AKAP6: variants seen among roughly 807,000 people sequenced by gnomAD.
AKAP6 encodes the protein A-kinase anchor protein 6.
Under a neutral mutation model 188.5 loss-of-function variants are expected in AKAP6, and 58 were observed. The observed-to-expected ratio is 0.31, with a 90% CI of 0.25 to 0.38. The LOEUF is 0.38. Ranked by LOEUF, AKAP6 falls within the 10% of genes least tolerant of loss-of-function variation. The probability of loss-of-function intolerance (pLI) is 1.00; values close to 1 mark genes in which losing one functional copy is unlikely to be tolerated. For synonymous variants in AKAP6, 989 were observed against 998.6 expected (o/e 0.99, Z 0.18); for missense variants, 2,710 against 2,740.0 (o/e 0.99, Z 0.24).
intron 7 of AKAP6, among the ~76,000 whole-genome samples, chr14:32,614,860 G>C (rs1252523532): frequency 6.6e-6 from 1 of 151,886 alleles, no homozygotes; most frequent in Non-Finnish European, 1.5e-5. Context: ...CTTTGGGAAA[G>C]GTTTTCTTTC....
At position 32,822,780 on chromosome 14, in the gene AKAP6, A is replaced by C; in HGVS notation, c.4967A>C (p.Asp1656Ala). The C allele has an allele frequency of 6.2e-7, 1 of 1,613,930 alleles. No homozygotes were observed. The highest frequency in any genetic ancestry group is 8.5e-7 in the Non-Finnish European group (1 of 1,179,910). Residue 1656 changes from aspartate to alanine, a missense_variant, in exon 13 of 14, where the codon GAT (aspartate) becomes GCT (alanine). Coordinates refer to ENST00000280979, the MANE Select transcript of AKAP6 (RefSeq NM_004274.5). The stretch of plus-strand genomic sequence containing the variant: ...CAAAAGATAAAACGAAGTGTTTCTG[A>C]TATCACTCTTCAAAGCAGTTCCCAA... ...SEQKIKRSVS[D>A]ITLQSSSQKM...
chr14:32,627,537 A>G (rs1051131298), intron 7 of AKAP6, among the ~76,000 whole-genome samples: 3 of 152,106 alleles, frequency 2.0e-5, no homozygotes, highest in Non-Finnish European at 4.4e-5. Flanking sequence ...TAAAAAATAT[A>G]TATTATGGAA....
chr14:32,659,859 A>G (rs1275483924), intron 7 of AKAP6, among the ~76,000 whole-genome samples: 5 of 152,226 alleles, frequency 3.3e-5, no homozygotes, highest in Admixed American at 2.0e-4. Flanking sequence ...CATCAGTCTC[A>G]GAGGGCTAAG....
intron 1 of AKAP6, among the ~76,000 whole-genome samples, chr14:32,369,970 G>T (rs1887956354): frequency 6.6e-6 from 1 of 152,204 alleles, no homozygotes; most frequent in Non-Finnish European, 1.5e-5. Context: ...GGTGGAGGTT[G>T]CAGTGAGCTG....
intron 1 of AKAP6, among the ~76,000 whole-genome samples, chr14:32,352,134 T>TGTGTGTGTGTGA (rs1566458785): frequency 4.9e-5 from 7 of 142,576 alleles, no homozygotes; most frequent in African/African-American, 1.8e-4. Flanking sequence ...TGTGTGTGTG[T>TGTGTGTGTGTGA]GAAGGGGGTG....
chr14:32,418,994 T>C (rs1889751251), intron 1 of AKAP6, among the ~76,000 whole-genome samples: 1 of 152,214 alleles, frequency 6.6e-6, no homozygotes, highest in African/African-American at 2.4e-5. Flanking sequence ...TTTTTCAAAA[T>C]ACCAATTCAT....
At chr14:32,819,697 C>A (rs2034471361) in intron 12 of AKAP6, among the ~76,000 whole-genome samples, 1 of 152,078 alleles carries the variant, frequency 6.6e-6, no homozygotes, top group African/African-American at 2.4e-5. Context: ...CACCTGTAAT[C>A]CCAGCACTTT....
chr14:32,714,746 C>T (rs545413412), intron 9 of AKAP6, among the ~76,000 whole-genome samples: 1 of 151,984 alleles, frequency 6.6e-6, no homozygotes, highest in Non-Finnish European at 1.5e-5. Flanking sequence ...GATATATTCA[C>T]TTACATTTCC....
At chr14:32,815,268 G>A (rs1374562484) in intron 12 of AKAP6, among the ~76,000 whole-genome samples, 2 of 152,112 alleles carry the variant, frequency 1.3e-5, no homozygotes, top group African/African-American at 2.4e-5. Context: ...TTGAAAAAGA[G>A]CATTCACTAG....
chr14:32,608,337 A>G (rs1367069152), intron 7 of AKAP6, among the ~76,000 whole-genome samples: 1 of 151,968 alleles, frequency 6.6e-6, no homozygotes, highest in Non-Finnish European at 1.5e-5. Flanking sequence ...CCTCTCTACT[A>G]AAAATATAAA....
chr14:32,404,451 G>A (rs1056141234), intron 1 of AKAP6, among the ~76,000 whole-genome samples: 7 of 151,414 alleles, frequency 4.6e-5, no homozygotes, highest in African/African-American at 1.7e-4. Context: ...GAGAAGGGAG[G>A]GTGTTTTTTA....
At position 32,823,219 on chromosome 14, in the gene AKAP6, A is replaced by G. The variant is rs913577591; in HGVS notation, c.5406A>G (p.Leu1802=). 6.2e-7 allele frequency: 1 copy of G among 1,613,814 alleles called. No homozygotes were observed. Among genetic ancestry groups the G allele is most frequent in the Non-Finnish European group, 8.5e-7 (1 of 1,179,888 alleles). Residue 1802 remains leucine (L), a synonymous_variant, in exon 13 of 14, where the codon TTA becomes TTG. Transcript: ENST00000280979. ...MSGLDYIKNE[L]QTWIRPKLSL... is the part of the protein sequence containing the mutation. ...GGCTAGACTACATAAAGAATGAATT[A>G]CAGACCTGGATTAGGCCAAAATTGT...
intron 1 of AKAP6, among the ~76,000 whole-genome samples, chr14:32,355,452 A>G (rs1290247470): frequency 6.6e-6 from 1 of 152,154 alleles, no homozygotes; most frequent in Non-Finnish European, 1.5e-5. Flanking sequence ...GAATTGTGCC[A>G]CAGACCGTCT....
intron 4 of AKAP6, among the ~76,000 whole-genome samples, chr14:32,563,734 C>T (rs1211358637): frequency 1.3e-5 from 2 of 150,984 alleles, no homozygotes; most frequent in African/African-American, 2.4e-5. Context: ...GTCTTCCTGC[C>T]TTGTCAGATG....
At chr14:32,532,727 A>G (rs180693826) in intron 2 of AKAP6, among the ~76,000 whole-genome samples, 5 of 152,318 alleles carry the variant, frequency 3.3e-5, no homozygotes, top group Admixed American at 2.0e-4. Flanking sequence ...CATCTTTAGC[A>G]TCAAAGTGAG....
chr14:32,375,241 C>T (rs1016269224), intron 1 of AKAP6, among the ~76,000 whole-genome samples: 32 of 152,026 alleles, frequency 2.1e-4, no homozygotes, highest in East Asian at 3.8e-4. Context: ...CTAGCTTTGA[C>T]GACTGGGTGT....
At chr14:32,477,449 C>G (rs762887075) in intron 2 of AKAP6, among the ~76,000 whole-genome samples, 1 of 152,112 alleles carries the variant, frequency 6.6e-6, no homozygotes, top group Non-Finnish European at 1.5e-5. Flanking sequence ...CTGGGTCCAT[C>G]TTATACATAG....
In AKAP6 at chr14:32,822,955, G is replaced by A. The variant is rs1178024502; in HGVS notation, c.5142G>A (p.Ser1714=). 6.8e-6 allele frequency: 11 copies of A among 1,613,868 alleles called. No individual in the cohort carries two copies. The highest frequency in any genetic ancestry group is 6.7e-5 in the East Asian group (3 of 44,858). The change falls in exon 13 of 14, where the codon TCG becomes TCA. Residue 1714 remains serine (S), a synonymous_variant. Coordinates refer to ENST00000280979, the MANE Select transcript of AKAP6 (RefSeq NM_004274.5). ...TACACAAGAACAAGATCCCGGAATC[G>A]AATGCATCGTTCAGGAAGCGTCTGA... ...IVLHKNKIPE[S]NASFRKRLTR...
chr14:32,630,995 T>C (rs56219736), intron 7 of AKAP6, among the ~76,000 whole-genome samples: 20,073 of 152,020 alleles, frequency 0.13, 2,268 homozygotes, highest in East Asian at 0.53. Context: ...CTACTGCTAA[T>C]AGTTTTGTTG....
Sources: allele counts gnomAD v4.1 joint callset (sites outside exome capture counted in the v4.1 genomes callset), GRCh38; gene constraint gnomAD v4.1.1; transcripts MANE v1.5; gene names NCBI Gene and HGNC (gene_info 2026-07-23, HGNC 2026-07-21).